GLIS3: variants seen among roughly 807,000 people sequenced by gnomAD.
GLIS3 encodes the protein GLIS family zinc finger 3, also known as zinc finger protein GLIS3.
Under a neutral mutation model 78.6 loss-of-function variants are expected in GLIS3, and 53 were observed. The observed-to-expected ratio is 0.67, with a 90% CI of 0.54 to 0.85. The LOEUF (loss-of-function observed/expected upper bound fraction) is 0.85, where lower values mean the gene tolerates loss of function less well. Ranked by LOEUF, GLIS3 falls within the 40% of genes least tolerant of loss-of-function variation. GLIS3 has a pLI of 0.00. For synonymous variants in GLIS3, 684 were observed against 509.9 expected, an observed-to-expected ratio of 1.34 and a Z score of -4.60; for missense variants, 1,703 against 1,231.1, an observed-to-expected ratio of 1.38 and a Z score of -5.74.
intron 4 of GLIS3, among the ~76,000 whole-genome samples, chr9:4,114,756 A>G (rs925459805): frequency 1.3e-5 from 2 of 151,884 alleles, no homozygotes; most frequent in Admixed American, 6.6e-5. Flanking sequence ...TGTCTCTGCA[A>G]TCGAGGCCAG....
the GLIS3 span, among the ~76,000 whole-genome samples, chr9:4,385,082 A>C: frequency 6.6e-6 from 1 of 152,234 alleles, no homozygotes; most frequent in Non-Finnish European, 1.5e-5. Context: ...TGTGTTTTGA[A>C]TTTCTTAAAA....
At chr9:4,077,755 TC>T (rs1025969860) in intron 4 of GLIS3, among the ~76,000 whole-genome samples, 1 of 152,164 alleles carries the variant, frequency 6.6e-6, no homozygotes, top group Non-Finnish European at 1.5e-5. Context: ...TCAGCGTCCC[TC>T]CACTAAAGGT....
At position 3,937,140 on chromosome 9, in the gene GLIS3, T is replaced by A; in HGVS notation, c.1760A>T (p.His587Leu). The change falls in exon 5 of 11, where the codon CAC becomes CTC. Residue 587 changes from histidine to leucine, a missense_variant. Coordinates refer to ENST00000381971, the MANE Select transcript of GLIS3 (RefSeq NM_001042413.2). ...CTTCTCGCCTGTGTGGCTCCGCAAG[T>A]GGATCTTGAGATTTTCAAGCCTTGA... is the stretch of plus-strand genomic sequence containing the variant. ...AFSRLENLKI[H>L]LRSHTGEKPY... The A allele has an allele frequency of 6.2e-7, 1 of 1,614,086 alleles. No individual in the cohort carries two copies. The highest frequency in any genetic ancestry group is 8.5e-7 in the Non-Finnish European group (1 of 1,180,000).
In GLIS3 at chr9:3,932,387, A is replaced by G. The variant is rs776316558; in HGVS notation, c.1956T>C (p.Ser652=). 2 of 1,613,512 alleles carry G rather than the reference A, an allele frequency of 1.2e-6. No individual in the cohort carries two copies. The highest frequency in any genetic ancestry group is 1.3e-5 in the African/African-American group (1 of 74,810). ...SSLRKHVKAH[S]SKEQQARKKL... is the part of the protein sequence containing the mutation. ...TTTTCCTTGCTTGTTGCTCTTTGGA[A>G]GAATGTGCCTTCACATGCTTTCTTA... Residue 652 remains serine, a synonymous_variant, in exon 6 of 11, where the codon TCT becomes TCC. Coordinates refer to ENST00000381971, the MANE Select transcript of GLIS3 (RefSeq NM_001042413.2).
chr9:3,992,642 A>AT (rs1359615088), intron 4 of GLIS3, among the ~76,000 whole-genome samples: 2 of 152,262 alleles, frequency 1.3e-5, no homozygotes, highest in Non-Finnish European at 2.9e-5. Flanking sequence ...CTTATTCAAC[A>AT]TAACTGTTTT....
rs570220342 is a variant in GLIS3, at chr9:4,015,745, C to T, written c.1711-78556G>A. ...TCTACTAAAAATACAAAGTATTAGTCGAGAGTGGTGGCGGGCGCCTGTAAT... is the reference window on the plus strand; with the variant it reads ...TCTACTAAAAATACAAAGTATTAGTTGAGAGTGGTGGCGGGCGCCTGTAAT... On this transcript the variant is annotated intron_variant, in intron 4 of 10. Coordinates refer to ENST00000381971, the MANE Select transcript of GLIS3 (RefSeq NM_001042413.2). Among the ~76,000 whole-genome samples the T allele has an allele frequency of 7.7e-4, 117 of 151,956 alleles. 1 individual carries two copies. The highest frequency in any genetic ancestry group is 2.8e-3 in the African/African-American group (115 of 41,414).
At chr9:4,455,770 T>G in the GLIS3 span, among the ~76,000 whole-genome samples, 40 of 152,172 alleles carry the variant, frequency 2.6e-4, no homozygotes, top group African/African-American at 9.4e-4. Context: ...AAAAGAATAT[T>G]GCAATAAAGT....
At chr9:3,980,233 C>T (rs1452121419) in intron 4 of GLIS3, among the ~76,000 whole-genome samples, 2 of 152,168 alleles carry the variant, frequency 1.3e-5, no homozygotes, top group African/African-American at 2.4e-5. Context: ...GCTTTTTGTG[C>T]TAGGCACTAT....
chr9:4,253,395 T>C (rs1390330400), intron 2 of GLIS3, among the ~76,000 whole-genome samples: 1 of 152,192 alleles, frequency 6.6e-6, no homozygotes, highest in Non-Finnish European at 1.5e-5. Flanking sequence ...CCCCGTGGCT[T>C]TGTTTACACT....
intron 2 of GLIS3, among the ~76,000 whole-genome samples, chr9:4,320,789 C>A (rs1179077420): frequency 6.6e-6 from 1 of 152,196 alleles, no homozygotes; most frequent in African/African-American, 2.4e-5. Context: ...CCACACTATT[C>A]CAAGCACCCA....
intron 4 of GLIS3, among the ~76,000 whole-genome samples, chr9:3,979,824 T>C (rs1819104968): frequency 6.6e-6 from 1 of 152,162 alleles, no homozygotes; most frequent in Non-Finnish European, 1.5e-5. Flanking sequence ...AAGTTCCAGA[T>C]GGTATTTCTG....
Position 4,037,985 on chromosome 9 carries a change from G to T in GLIS3, c.1710+79783C>A, listed in dbSNP as rs144334213. On this transcript the variant is annotated intron_variant, in intron 4 of 10. Coordinates refer to ENST00000381971, the MANE Select transcript of GLIS3 (RefSeq NM_001042413.2). The stretch of plus-strand genomic sequence containing the variant: ...AAAAAATCACTTCATTGGATAAAAT[G>T]TTTTACAAGATAGCCCATCTGTCTT... Among the ~76,000 whole-genome samples, 345 of 152,100 alleles carry T rather than the reference G, an allele frequency of 2.3e-3. 2 individuals carry two copies. The highest frequency in any genetic ancestry group is 7.5e-4 in the Non-Finnish European group (51 of 67,976).
chr9:4,291,375 TCTGA>T (rs1234715790), intron 1 of GLIS3, among the ~76,000 whole-genome samples: 3 of 152,100 alleles, frequency 2.0e-5, no homozygotes, highest in Non-Finnish European at 4.4e-5. Context: ...TAATAGAAAC[TCTGA>T]CTTTGTTTTA....
At chr9:4,404,063 G>C in the GLIS3 span, among the ~76,000 whole-genome samples, 1 of 152,122 alleles carries the variant, frequency 6.6e-6, no homozygotes, top group Admixed American at 6.6e-5. Flanking sequence ...CCAAAGAAGA[G>C]TAGGAGTAGC....
At chr9:3,950,684 C>T (rs577867083) in intron 4 of GLIS3, among the ~76,000 whole-genome samples, 71 of 152,364 alleles carry the variant, frequency 4.7e-4, no homozygotes, top group African/African-American at 1.7e-3. Context: ...CATATATGCC[C>T]TTATAGCATC....
the GLIS3 span, among the ~76,000 whole-genome samples, chr9:4,433,647 G>A: frequency 3.1e-4 from 47 of 152,268 alleles, no homozygotes; most frequent in Non-Finnish European, 5.1e-4. Flanking sequence ...CTAGGCCTTC[G>A]TTTCTAGATC....
At chr9:4,285,777 C>T (rs1265118540) in intron 2 of GLIS3, 3 of 488,760 alleles carry the variant, frequency 6.1e-6, no homozygotes, top group East Asian at 3.8e-5. Context: ...GCCTGCCTCC[C>T]TATTTTTTAT....
intron 2 of GLIS3, among the ~76,000 whole-genome samples, chr9:4,245,157 C>G (rs1823686965): frequency 6.6e-6 from 1 of 152,148 alleles, no homozygotes; most frequent in South Asian, 2.1e-4. Flanking sequence ...ACCATGTTTT[C>G]TTAATGATCT....
intron 2 of GLIS3, among the ~76,000 whole-genome samples, chr9:4,186,131 C>G (rs1308779855): frequency 4.0e-5 from 6 of 150,288 alleles, no homozygotes; most frequent in Admixed American, 6.6e-5. Context: ...GGTATATCTC[C>G]TAATGCTATC....
Sources: gnomAD v4.1 joint callset for allele counts (sites outside exome capture counted in the v4.1 genomes callset) on GRCh38, gnomAD v4.1.1 for gene constraint, MANE v1.5 for transcripts, NCBI Gene and HGNC (gene_info 2026-07-23, HGNC 2026-07-21) for gene names.